MMP17: variants seen among roughly 807,000 people sequenced by gnomAD.
MMP17 encodes matrix metallopeptidase 17.
In MMP17, 54 loss-of-function variants were observed where a neutral mutation model predicts 49.1. The ratio of observed to expected loss-of-function variants is 1.10; its 90% confidence interval spans 0.88 to 1.38. The LOEUF (loss-of-function observed/expected upper bound fraction) is 1.38. Ranked by LOEUF, MMP17 falls within the 40% of genes most tolerant of loss-of-function variation. MMP17 has a pLI of 0.00. For missense variants in MMP17, 837 were observed against 853.7 expected (o/e 0.98, Z 0.24); for synonymous variants, 397 against 383.1 (o/e 1.04, Z -0.42).
intron 2 of MMP17, 137 bp downstream of exon 2, chr12:131,838,464 CT>C (rs759096800): frequency 1.9e-5 from 28 of 1,449,286 alleles, no homozygotes; most frequent in Non-Finnish European, 2.3e-5. Flanking sequence ...AGCTCAGAGC[CT>C]GGGGCTGGTC....
At position 131,845,385 on chromosome 12, in the gene MMP17, G is replaced by A. The variant is rs754404867; in HGVS notation, c.1140G>A (p.Leu380=). The part of the protein sequence containing the change: ...QMHRFWRGLP[L]HLDSVDAVYE... ...ACCGCTTCTGGCGGGGCCTGCCGCT[G>A]CACCTGGACAGCGTGGACGCCGTGT... Residue 380 remains leucine, a synonymous_variant, in exon 8 of 10, where the codon CTG becomes CTA. Transcript: ENST00000360564. The A allele has an allele frequency of 3.1e-6, 5 of 1,596,190 alleles. No individual in the cohort carries two copies. The highest frequency in any genetic ancestry group is 1.3e-5 in the African/African-American group (1 of 74,924).
intron 1 of MMP17, among the ~76,000 whole-genome samples, chr12:131,835,875 A>C (rs1254411579): frequency 1.3e-5 from 2 of 152,250 alleles, no homozygotes; most frequent in Non-Finnish European, 2.9e-5. Context: ...GGGCATCTCC[A>C]GCACCTACAG....
At chr12:131,847,750 C>T (rs1038107084) in intron 8 of MMP17, among the ~76,000 whole-genome samples, 26 of 152,268 alleles carry the variant, frequency 1.7e-4, no homozygotes, top group African/African-American at 6.0e-4. Context: ...CTGTGGTCAC[C>T]TGGATGAGGT....
intron 6 of MMP17, 90 bp from the exon 7 acceptor site, chr12:131,845,028 T>C (rs996824507): frequency 7.4e-7 from 1 of 1,349,686 alleles, no homozygotes; most frequent in Non-Finnish European, 1.1e-6. Flanking sequence ...GCCTGTCCCA[T>C]GCCGCTCAGG....
At position 131,851,623 on chromosome 12, in the gene MMP17, A is replaced by C; in HGVS notation, c.*349A>C. The C allele has an allele frequency of 1.2e-5, 3 of 249,028 alleles. No individual in the cohort carries two copies. Among genetic ancestry groups the C allele is most frequent in the Non-Finnish European group, 2.3e-5 (3 of 129,942 alleles). The allele number at this position is 249,028 out of a possible 1,614,324, so 15.4% of individuals were successfully genotyped here. A position where few individuals can be genotyped will look rare whatever the true frequency, so the allele number is the denominator to read the frequency against. Reference sequence around the variant, plus strand: ...TGCCGGCGCCACCAACCCCACCCACACTGCTGCCTGGTGCTCCCGCCGGCC... The same window carrying C: ...TGCCGGCGCCACCAACCCCACCCACCCTGCTGCCTGGTGCTCCCGCCGGCC... On this transcript the variant is annotated 3_prime_UTR_variant, in exon 10 of 10. Transcript: ENST00000360564.
chr12:131,835,063 C>T (rs1213720440), intron 1 of MMP17, among the ~76,000 whole-genome samples: 1 of 152,172 alleles, frequency 6.6e-6, no homozygotes, highest in Non-Finnish European at 1.5e-5. Flanking sequence ...GTTGGGGTGT[C>T]CCTGGCAAAC....
intron 8 of MMP17, 26 bp downstream of exon 8, chr12:131,845,475 C>G: frequency 6.5e-7 from 1 of 1,534,800 alleles, no homozygotes; most frequent in Non-Finnish European, 8.7e-7. Flanking sequence ...CGTCGCACTC[C>G]GGGCTTCCCG....
chr12:131,847,066 C>G (rs962886358), intron 8 of MMP17, among the ~76,000 whole-genome samples: 2 of 149,792 alleles, frequency 1.3e-5, no homozygotes, highest in Non-Finnish European at 3.0e-5. Context: ...GCACCATGAT[C>G]GTGCACTGCA....
chr12:131,840,958 C>T, intron 4 of MMP17, 102 bp downstream of exon 4: 1 of 1,337,256 alleles, frequency 7.5e-7, no homozygotes, highest in South Asian at 1.5e-5. Flanking sequence ...CGGCTGAAAA[C>T]ACACGCGGCT....
In MMP17 at chr12:131,828,650, A is replaced by G. The variant is rs1886635837; in HGVS notation, c.156A>G (p.Gly52=). The G allele has an allele frequency of 2.0e-6, 1 of 490,750 alleles. No individual in the cohort carries two copies. The highest frequency in any genetic ancestry group is 2.7e-6 in the Non-Finnish European group (1 of 369,484). 30.4% of individuals were successfully genotyped at this position (490,750 alleles called of 1,614,324 possible). Residue 52 remains glycine (G), a synonymous_variant, in exon 1 of 10, where the codon GGA becomes GGG. Coordinates refer to ENST00000360564, the MANE Select transcript of MMP17 (RefSeq NM_016155.7). ...PAPRAEDLSL[G]VEWLSRFGYL... is the part of the protein sequence containing the mutation. ...CGCGCGCCGAGGACCTCAGCCTGGG[A>G]GTGGTGAGCGCGCGGGCGGGACGGG...
chr12:131,838,894 G>C (rs1171748972), intron 3 of MMP17, among the ~76,000 whole-genome samples, 153 bp downstream of exon 3: 1 of 150,002 alleles, frequency 6.7e-6, no homozygotes, highest in Non-Finnish European at 1.5e-5. Flanking sequence ...GAGGAACAGG[G>C]TCTCCGTGGA....
At chr12:131,841,231 C>T (rs1309287708) in intron 4 of MMP17, among the ~76,000 whole-genome samples, 2 of 152,244 alleles carry the variant, frequency 1.3e-5, no homozygotes, top group Non-Finnish European at 2.9e-5. Flanking sequence ...GGACTGTAGC[C>T]TTGGGAACCA....
At chr12:131,845,894 A>C (rs940426679) in intron 8 of MMP17, among the ~76,000 whole-genome samples, 3 of 152,298 alleles carry the variant, frequency 2.0e-5, no homozygotes, top group African/African-American at 7.2e-5. Context: ...AAGGGGCTGC[A>C]GCTGGAGTAC....
Position 131,829,999 on chromosome 12 carries a change from C to T in MMP17, c.159+1346C>T, listed in dbSNP as rs571037729. On this transcript the variant is annotated intron_variant, in intron 1 of 9. Coordinates refer to ENST00000360564, the MANE Select transcript of MMP17 (RefSeq NM_016155.7). ...TTTGTAGGTGCGGATCTCCCGGATC[C>T]CCCACTGAGAATCACGCCCTGGGGG... 2.6e-5 allele frequency among the ~76,000 whole-genome samples: 4 copies of T among 152,318 alleles called. No individual in the cohort carries two copies. The East Asian group carries it at 5.8e-4, about 22-fold the overall frequency.
intron 3 of MMP17, among the ~76,000 whole-genome samples, chr12:131,839,099 G>GTGCCCTGGGGAGGTAGAGGGAGCATC: frequency 1.3e-5 from 2 of 152,302 alleles, no homozygotes; most frequent in Admixed American, 1.3e-4. Flanking sequence ...AGGCTGGATG[G>GTGCCCTGGGGAGGTAGAGGGAGCATC]TGCCCTGGGG....
chr12:131,838,542 T>C (rs1490477568), intron 2 of MMP17, 70 bp from the exon 3 acceptor site: 63 of 1,538,734 alleles, frequency 4.1e-5, no homozygotes, highest in Admixed American at 6.0e-5. Flanking sequence ...CTCCCACCCT[T>C]GCGGATGCTC....
At chr12:131,836,313 C>T (rs1280833986) in intron 1 of MMP17, among the ~76,000 whole-genome samples, 1 of 152,088 alleles carries the variant, frequency 6.6e-6, no homozygotes, top group Non-Finnish European at 1.5e-5. Flanking sequence ...TTGCTGATGC[C>T]CCTGGGACTT....
chr12:131,836,297 G>T (rs931308682), intron 1 of MMP17, among the ~76,000 whole-genome samples: 1 of 152,102 alleles, frequency 6.6e-6, no homozygotes, highest in Non-Finnish European at 1.5e-5. Context: ...TGGCCAGCAC[G>T]GCCTGTTGCT....
rs59677533 is a variant in MMP17 at position 131,831,828 on chromosome 12, T to TG, written c.159+3183dup. Among the ~76,000 whole-genome samples, 214 of 20,778 alleles carry TG rather than the reference T, an allele frequency of 0.01. 9 individuals are homozygous for TG. The East Asian group carries it at 0.11, about 10-fold the overall frequency. The allele number at this position is 20,778 out of a possible 152,430, so 13.6% of individuals were successfully genotyped here. A position where few individuals can be genotyped will look rare whatever the true frequency, so the allele number is the denominator to read the frequency against. ...GGAAGGGGGAAGGCTGGAGAGGATCTGGGGGGGGACGGGAAGGGGGAAGGC... is the reference window on the plus strand; with the variant it reads ...GGAAGGGGGAAGGCTGGAGAGGATCTGGGGGGGGGACGGGAAGGGGGAAGGC... On this transcript the variant is annotated intron_variant, in intron 1 of 9. Coordinates refer to ENST00000360564, the MANE Select transcript of MMP17 (RefSeq NM_016155.7).
Sources: allele counts gnomAD v4.1 joint callset (sites outside exome capture counted in the v4.1 genomes callset), GRCh38; gene constraint gnomAD v4.1.1; transcripts MANE v1.5; gene names NCBI Gene and HGNC (gene_info 2026-07-23, HGNC 2026-07-21).